The following RSPO2 variants were observed in gnomAD, a reference collection of about 807,000 sequenced individuals.
RSPO2 encodes R-spondin-2.
A neutral mutation model predicts 30.9 loss-of-function variants in RSPO2; 14 were observed. The ratio of observed to expected loss-of-function variants is 0.45; its 90% confidence interval spans 0.30 to 0.71. The LOEUF is 0.71. Among genes scored for constraint, RSPO2 ranks in the 30% least tolerant of loss-of-function variants. RSPO2 has a pLI of 0.08. For synonymous variants in RSPO2, 107 were observed against 96.4 expected, an observed-to-expected ratio of 1.11 and a Z score of -0.64; for missense variants, 264 against 301.9, an observed-to-expected ratio of 0.87 and a Z score of 0.93.
At chr8:107,998,914 C>T (rs1586614058) in intron 2 of RSPO2, among the ~76,000 whole-genome samples, 1 of 151,962 alleles carries the variant, frequency 6.6e-6, no homozygotes, top group Non-Finnish European at 1.5e-5. Context: ...GGGCATGGTG[C>T]CGCATGCCTG....
intron 3 of RSPO2, among the ~76,000 whole-genome samples, chr8:107,981,644 AT>A (rs1270010235): frequency 6.6e-6 from 1 of 152,184 alleles, no homozygotes; most frequent in African/African-American, 2.4e-5. Context: ...AAAAGATGAT[AT>A]TTAACTTTGG....
At chr8:107,982,024 A>AG (rs1814457339) in intron 3 of RSPO2, among the ~76,000 whole-genome samples, 1 of 150,270 alleles carries the variant, frequency 6.7e-6, no homozygotes, top group South Asian at 2.1e-4. Context: ...AAAAAAAAAA[A>AG]AAAAAAAAGG....
intron 1 of RSPO2, 84 bp downstream of exon 1, chr8:108,083,113 A>C (rs572208628): frequency 6.4e-6 from 1 of 156,480 alleles, no homozygotes; most frequent in East Asian, 1.9e-4. Context: ...GCGCAGGGCT[A>C]AAAGAACGCT....
chr8:108,070,355 C>G (rs1403628515), intron 2 of RSPO2, among the ~76,000 whole-genome samples: 3 of 140,724 alleles, frequency 2.1e-5, no homozygotes, highest in Non-Finnish European at 1.5e-5. Context: ...TGCAGTGGTG[C>G]AATCTCGGCT....
At chr8:108,048,344 G>A (rs2514840) in intron 2 of RSPO2, among the ~76,000 whole-genome samples, 52,502 of 151,110 alleles carry the variant, frequency 0.35, 9,609 homozygotes, top group African/African-American at 0.47. Context: ...ATCCCTCACT[G>A]AGTTGCACAA....
intron 5 of RSPO2, among the ~76,000 whole-genome samples, chr8:107,915,353 C>T (rs1485362664): frequency 3.3e-5 from 5 of 152,044 alleles, no homozygotes; most frequent in Non-Finnish European, 7.4e-5. Flanking sequence ...TCTGCCAACA[C>T]CTTCTTCCTT....
chr8:107,910,986 A>G (rs1298579506), intron 5 of RSPO2, among the ~76,000 whole-genome samples: 3 of 152,144 alleles, frequency 2.0e-5, no homozygotes, highest in Non-Finnish European at 2.9e-5. Flanking sequence ...ATTCAATTAC[A>G]CTCATGTCAA....
chr8:107,958,719 C>A (rs1813521279), intron 4 of RSPO2, among the ~76,000 whole-genome samples: 2 of 152,068 alleles, frequency 1.3e-5, no homozygotes, highest in South Asian at 2.1e-4. Context: ...TCTTACAGGA[C>A]CTAGTGTGTG....
chr8:107,921,403 A>G (rs947989600), intron 5 of RSPO2, among the ~76,000 whole-genome samples: 6 of 152,032 alleles, frequency 3.9e-5, no homozygotes, highest in African/African-American at 1.4e-4. Flanking sequence ...TACTGTCTAG[A>G]TTTGTGTCAC....
chr8:108,082,502 AC>A (rs765239600), intron 2 of RSPO2, 42 bp downstream of exon 2: 17 of 1,503,830 alleles, frequency 1.1e-5, no homozygotes, highest in Non-Finnish European at 1.6e-5. Flanking sequence ...TCCACACGCC[AC>A]CCCTGAAGCC....
intron 5 of RSPO2, among the ~76,000 whole-genome samples, chr8:107,928,895 G>T (rs1812465744): frequency 2.0e-5 from 3 of 152,218 alleles, no homozygotes; most frequent in Admixed American, 2.0e-4. Flanking sequence ...GATGGTAGTT[G>T]GTGGTGATAA....
chr8:108,018,061 A>G (rs1810949999), intron 2 of RSPO2, among the ~76,000 whole-genome samples: 1 of 152,208 alleles, frequency 6.6e-6, no homozygotes, highest in African/African-American at 2.4e-5. Context: ...AAAATAAATT[A>G]TTTTGCATAA....
intron 3 of RSPO2, among the ~76,000 whole-genome samples, chr8:107,975,283 TAC>T (rs1259526717): frequency 2.0e-5 from 3 of 152,240 alleles, no homozygotes; most frequent in Non-Finnish European, 2.9e-5. Context: ...AGTTTCAATT[TAC>T]AGTTTTTCTC....
intron 2 of RSPO2, among the ~76,000 whole-genome samples, chr8:108,055,889 T>C (rs1477478284): frequency 6.6e-6 from 1 of 152,168 alleles, no homozygotes; most frequent in Non-Finnish European, 1.5e-5. Context: ...GGCAGTGAGA[T>C]TGACAGCTTC....
chr8:108,033,696 G>C (rs556366547), intron 2 of RSPO2, among the ~76,000 whole-genome samples: 2 of 152,322 alleles, frequency 1.3e-5, no homozygotes, highest in African/African-American at 4.8e-5. Context: ...TTAAAAAGCA[G>C]CTCTTGCTAT....
At chr8:107,902,015 T>C (rs191069530) in intron 5 of RSPO2, among the ~76,000 whole-genome samples, 7 of 152,342 alleles carry the variant, frequency 4.6e-5, no homozygotes, top group Middle Eastern at 3.4e-3. Flanking sequence ...TCTGTGGTTA[T>C]AGTTTTACAG....
chr8:107,965,544 A>G (rs528895590), intron 3 of RSPO2, among the ~76,000 whole-genome samples: 2 of 152,286 alleles, frequency 1.3e-5, no homozygotes, highest in East Asian at 3.9e-4. Flanking sequence ...TCCACGTGGC[A>G]CTAACAGAGC....
At chr8:107,938,751 T>G (rs901599514) in intron 5 of RSPO2, among the ~76,000 whole-genome samples, 2 of 152,124 alleles carry the variant, frequency 1.3e-5, no homozygotes, top group African/African-American at 2.4e-5. Context: ...CAAAAGCTCA[T>G]GTTAGCACAT....
At chr8:108,056,465 CA>C (rs11316856) in intron 2 of RSPO2, among the ~76,000 whole-genome samples, 64,390 of 148,314 alleles carry the variant, frequency 0.43, 18,011 homozygotes, top group African/African-American at 0.81. Context: ...TAAAAATATA[CA>C]AAAAAAAATA....
Sources: allele counts gnomAD v4.1 joint callset (sites outside exome capture counted in the v4.1 genomes callset), GRCh38; gene constraint gnomAD v4.1.1; transcripts MANE v1.5; gene names NCBI Gene and HGNC (gene_info 2026-07-23, HGNC 2026-07-21).